Variants in SETBP1 observed in about 807,000 individuals in gnomAD.
The protein encoded by SETBP1 is SET-binding protein.
Under a neutral mutation model 101.0 loss-of-function variants are expected in SETBP1, and 9 were observed. The observed-to-expected ratio is 0.09, with a 90% CI of 0.05 to 0.16. SETBP1 has a LOEUF of 0.16. SETBP1 is among the 10% of genes least tolerant of loss of function. SETBP1 has a pLI of 1.00. For missense variants in SETBP1, 1,858 were observed against 2,033.8 expected, an observed-to-expected ratio of 0.91 and a Z score of 1.66; for synonymous variants, 818 against 788.5, an observed-to-expected ratio of 1.04 and a Z score of -0.63.
At chr18:44,859,552 G>A (rs1240984041) in intron 2 of SETBP1, among the ~76,000 whole-genome samples, 4 of 152,188 alleles carry the variant, frequency 2.6e-5, no homozygotes, top group Non-Finnish European at 4.4e-5. Context: ...AGTTATTTAA[G>A]CAGTTTGAGC....
intron 2 of SETBP1, among the ~76,000 whole-genome samples, chr18:44,714,143 A>C (rs1401887589): frequency 6.6e-6 from 1 of 152,154 alleles, no homozygotes; most frequent in Non-Finnish European, 1.5e-5. Flanking sequence ...GTATCTTTTA[A>C]TGTAATATTC....
chr18:44,702,301 T>A (rs148136978), intron 2 of SETBP1, among the ~76,000 whole-genome samples: 1 of 152,218 alleles, frequency 6.6e-6, no homozygotes, highest in African/African-American at 2.4e-5. Flanking sequence ...CAGAAGAAAA[T>A]CTTCATATAA....
intron 4 of SETBP1, among the ~76,000 whole-genome samples, chr18:45,013,195 G>A (rs1315003820): frequency 6.6e-6 from 1 of 152,176 alleles, no homozygotes; most frequent in Non-Finnish European, 1.5e-5. Context: ...CATTCCTGGA[G>A]GCTGAGATAA....
At chr18:44,881,832 G>A (rs1195463564) in intron 3 of SETBP1, among the ~76,000 whole-genome samples, 2 of 152,146 alleles carry the variant, frequency 1.3e-5, no homozygotes, top group Non-Finnish European at 2.9e-5. Flanking sequence ...TGGGTTTGGT[G>A]GTTCTAGTAA....
intron 1 of SETBP1, among the ~76,000 whole-genome samples, chr18:44,694,895 G>A (rs574593572): frequency 6.6e-6 from 1 of 152,334 alleles, no homozygotes; most frequent in East Asian, 1.9e-4. Context: ...TCTTTGACAA[G>A]AAGTATGACC....
chr18:44,850,687 A>G (rs186959552), intron 2 of SETBP1, among the ~76,000 whole-genome samples: 2 of 151,700 alleles, frequency 1.3e-5, no homozygotes, highest in East Asian at 3.9e-4. Context: ...GGCTTCTTAT[A>G]TCAGGAATAG....
At chr18:44,738,773 CAAA>C (rs34390519) in intron 2 of SETBP1, among the ~76,000 whole-genome samples, 1 of 79,776 alleles carries the variant, frequency 1.3e-5, no homozygotes. Context: ...GACTCCATCT[CAAA>C]AAAAAAAAAA....
chr18:44,880,179 G>A (rs551610081), intron 3 of SETBP1, among the ~76,000 whole-genome samples: 22 of 152,252 alleles, frequency 1.4e-4, no homozygotes, highest in Middle Eastern at 3.4e-3. Flanking sequence ...CTTTCACACC[G>A]CTAAATTCAG....
intron 2 of SETBP1, among the ~76,000 whole-genome samples, chr18:44,741,401 G>C (rs2070093827): frequency 6.6e-6 from 1 of 152,168 alleles, no homozygotes; most frequent in Non-Finnish European, 1.5e-5. Flanking sequence ...TCTTCCTCTA[G>C]AAAAATAAAA....
intron 2 of SETBP1, among the ~76,000 whole-genome samples, chr18:44,830,066 T>C (rs1003607792): frequency 2.0e-5 from 3 of 152,192 alleles, no homozygotes; most frequent in South Asian, 4.1e-4. Flanking sequence ...AAAAATTATA[T>C]TGTAAAAAAT....
At chr18:44,912,482 G>GT (rs1319239752) in intron 3 of SETBP1, among the ~76,000 whole-genome samples, 15 of 151,692 alleles carry the variant, frequency 9.9e-5, no homozygotes, top group African/African-American at 2.7e-4. Context: ...GAAACTTTTT[G>GT]TTTTTTTTGT....
chr18:44,862,314 C>T (rs1196860798), intron 2 of SETBP1, among the ~76,000 whole-genome samples: 1 of 152,176 alleles, frequency 6.6e-6, no homozygotes. Flanking sequence ...TATTATTAGT[C>T]ATCCTTGTTG....
chr18:44,968,273 G>C (rs575275492), intron 4 of SETBP1, among the ~76,000 whole-genome samples: 1 of 152,112 alleles, frequency 6.6e-6, no homozygotes, highest in East Asian at 1.9e-4. Flanking sequence ...ACAATTCCTG[G>C]GAATACAAGA....
At chr18:45,045,537 A>C (rs1431211256) in intron 5 of SETBP1, among the ~76,000 whole-genome samples, 3 of 151,262 alleles carry the variant, frequency 2.0e-5, no homozygotes, top group Non-Finnish European at 4.4e-5. Flanking sequence ...GGGAGGCCCA[A>C]AGGGACTTGT....
rs185949359 is a variant in SETBP1 at position 44,778,243 on chromosome 18, A to G, written c.486+76411A>G. ...TCAAAAACGTAAGATCCTCTGGAGT[A>G]GAGAACAGTCCCTCCTTCCCATCCC... On this transcript the variant is annotated intron_variant, in intron 2 of 5. Coordinates refer to ENST00000649279, the MANE Select transcript of SETBP1 (RefSeq NM_015559.3). Among the ~76,000 whole-genome samples the G allele has an allele frequency of 1.2e-3, 181 of 152,328 alleles. 1 individual carries two copies. The Middle Eastern group carries it at 0.014, about 11-fold the overall frequency.
intron 1 of SETBP1, among the ~76,000 whole-genome samples, chr18:44,682,540 C>T (rs987170057): frequency 2.0e-5 from 3 of 152,142 alleles, no homozygotes; most frequent in African/African-American, 7.2e-5. Flanking sequence ...GAGGCGTGAG[C>T]TCTTTTGCTC....
intron 2 of SETBP1, among the ~76,000 whole-genome samples, chr18:44,856,036 C>A (rs1428109657): frequency 2.0e-5 from 3 of 148,772 alleles, no homozygotes; most frequent in Non-Finnish European, 4.4e-5. Context: ...GGCCTAGAAG[C>A]TGTTGCTTAA....
At chr18:44,781,512 C>T (rs1254454861) in intron 2 of SETBP1, among the ~76,000 whole-genome samples, 1 of 150,162 alleles carries the variant, frequency 6.7e-6, no homozygotes, top group Non-Finnish European at 1.5e-5. Flanking sequence ...CCCCCCACCC[C>T]CACCTCTGTC....
At chr18:45,004,636 C>T (rs926815744) in intron 4 of SETBP1, among the ~76,000 whole-genome samples, 1 of 152,208 alleles carries the variant, frequency 6.6e-6, no homozygotes, top group African/African-American at 2.4e-5. Flanking sequence ...GACAGCCTTT[C>T]CACCACTCCT....
Sources: allele counts gnomAD v4.1 joint callset (sites outside exome capture counted in the v4.1 genomes callset), GRCh38; gene constraint gnomAD v4.1.1; transcripts MANE v1.5; gene names NCBI Gene and HGNC (gene_info 2026-07-23, HGNC 2026-07-21).